The following ARHGAP17 variants were observed in gnomAD, a reference collection of about 807,000 sequenced individuals.
ARHGAP17 encodes Rho GTPase activating protein 17.
Under a neutral mutation model 99.5 loss-of-function variants are expected in ARHGAP17, and 57 were observed. That is an observed-to-expected ratio of 0.57 (90% confidence interval 0.46 to 0.71). ARHGAP17 has a LOEUF of 0.71. Ranked by LOEUF, ARHGAP17 falls within the 30% of genes least tolerant of loss-of-function variation. The pLI, the probability that ARHGAP17 is intolerant of heterozygous loss-of-function variation, is 0.00. For missense variants in ARHGAP17, 1,000 were observed against 1,122.4 expected, an observed-to-expected ratio of 0.89 and a Z score of 1.56; for synonymous variants, 417 against 429.6, an observed-to-expected ratio of 0.97 and a Z score of 0.36.
chr16:24,984,396 G>A (rs945184751), intron 1 of ARHGAP17, among the ~76,000 whole-genome samples: 1 of 152,190 alleles, frequency 6.6e-6, no homozygotes, highest in African/African-American at 2.4e-5. Context: ...GCCGGGCGCA[G>A]TGGCTCACGC....
chr16:24,930,583 C>T, intron 19 of ARHGAP17: 1 of 941,380 alleles, frequency 1.1e-6, no homozygotes, highest in Non-Finnish European at 1.7e-6. Flanking sequence ...ACCAATGCAG[C>T]CACAGACAAT....
At chr16:24,970,726 A>G in intron 3 of ARHGAP17, 146 bp from the exon 4 acceptor site, 1 of 708,300 alleles carries the variant, frequency 1.4e-6, no homozygotes, top group South Asian at 1.7e-5. Context: ...TTCTGGTCTC[A>G]CAGATATTAG....
intron 10 of ARHGAP17, among the ~76,000 whole-genome samples, chr16:24,953,694 C>G (rs2141242431): frequency 6.6e-6 from 1 of 152,308 alleles, no homozygotes; most frequent in South Asian, 2.1e-4. Flanking sequence ...ATAAATTACC[C>G]AGGCTCAGGT....
intron 1 of ARHGAP17, among the ~76,000 whole-genome samples, chr16:24,988,668 T>C (rs1025755171): frequency 2.6e-5 from 4 of 152,214 alleles, no homozygotes; most frequent in Admixed American, 6.5e-5. Context: ...TTCCTGCACA[T>C]GTAAGCTTAC....
intron 19 of ARHGAP17, among the ~76,000 whole-genome samples, chr16:24,925,186 C>T (rs1228110663): frequency 6.6e-6 from 1 of 152,124 alleles, no homozygotes; most frequent in Non-Finnish European, 1.5e-5. Context: ...GGAGACCAGC[C>T]TGGCCAATAT....
chr16:25,006,449 CAAAAAAA>C (rs1032093076), intron 1 of ARHGAP17, among the ~76,000 whole-genome samples: 10 of 74,508 alleles, frequency 1.3e-4, no homozygotes, highest in African/African-American at 2.9e-4. Flanking sequence ...GACTCCGTCT[CAAAAAAA>C]AAAAAAAAAA....
intron 18 of ARHGAP17, among the ~76,000 whole-genome samples, chr16:24,933,060 G>A (rs765190992): frequency 3.6e-4 from 55 of 152,188 alleles, no homozygotes; most frequent in Non-Finnish European, 7.2e-4. Flanking sequence ...GAGGCTTGAA[G>A]AGGGCCAGTG....
intron 19 of ARHGAP17, chr16:24,920,558 C>T: frequency 6.4e-6 from 2 of 314,946 alleles, no homozygotes; most frequent in Non-Finnish European, 1.2e-5. Context: ...GAAAGGAAGC[C>T]TCATTCTTCC....
Position 24,931,159 on chromosome 16 carries a change from G to A in ARHGAP17, c.2140C>T (p.Pro714Ser). Residue 714 changes from proline (P) to serine (S), a missense_variant, in exon 19 of 20, where the codon CCA (proline) becomes TCA (serine). Pro to Ser is a moderately conservative substitution (Grantham distance 74, BLOSUM62 -1). Transcript: ENST00000289968. ...GCCTGCGTAGGGGGCTGCGGCGGTG[G>A]GTGATTGGGAGCTTGGATTGGAGAC... The part of the protein sequence containing the change: ...SLSPIQAPNH[P>S]PPQPPTQATP... 3 of 1,598,854 alleles carry A rather than the reference G, an allele frequency of 1.9e-6. No individual in the cohort carries two copies. Among genetic ancestry groups the A allele is most frequent in the Non-Finnish European group, 2.6e-6 (3 of 1,172,996 alleles).
At chr16:25,002,238 G>A (rs2053380555) in intron 1 of ARHGAP17, among the ~76,000 whole-genome samples, 1 of 152,110 alleles carries the variant, frequency 6.6e-6, no homozygotes. Flanking sequence ...AAGAATTACT[G>A]TTCCCTATGT....
In ARHGAP17 at chr16:24,939,505, G is replaced by C. The variant is rs750090760; in HGVS notation, c.1583C>G (p.Pro528Arg). Reference protein sequence around the residue: ...HISPAFQPPLPPTDGSTVVPA... With the variant: ...HISPAFQPPLRPTDGSTVVPA... ...CACCACGGTGCTGCCATCTGTGGGC[G>C]GAAGTGGCGGCTGGAAAGCGGGGGA... The change falls in exon 17 of 20, where the codon CCG (proline) becomes CGG (arginine). Residue 528 changes from proline (P) to arginine (R), a missense_variant. By Grantham distance (103) the Pro-to-Arg change is moderately radical. Coordinates refer to ENST00000289968, the MANE Select transcript of ARHGAP17 (RefSeq NM_001006634.3). The C allele has an allele frequency of 6.2e-7, 1 of 1,611,018 alleles. No individual in the cohort carries two copies. Among genetic ancestry groups the C allele is most frequent in the Non-Finnish European group, 8.5e-7 (1 of 1,179,146 alleles).
chr16:24,939,514 G>A lies in ARHGAP17; in HGVS notation c.1574C>T (p.Pro525Leu), dbSNP rs140685431. 2.4e-4 allele frequency: 389 copies of A among 1,610,680 alleles called. No homozygotes were observed. The highest frequency in any genetic ancestry group is 3.0e-4 in the Non-Finnish European group (351 of 1,179,080). ...GCTGCCATCTGTGGGCGGAAGTGGC[G>A]GCTGGAAAGCGGGGGATATGTGCTT... ...NRKHISPAFQ[P>L]PLPPTDGSTV... The change falls in exon 17 of 20, where the codon CCG becomes CTG. Residue 525 changes from proline (P) to leucine (L), a missense_variant. By Grantham distance (98) the Pro-to-Leu change is moderately conservative. Transcript: ENST00000289968.
At chr16:24,982,398 T>G (rs775284009) in intron 1 of ARHGAP17, among the ~76,000 whole-genome samples, 65 of 152,016 alleles carry the variant, frequency 4.3e-4, no homozygotes, top group Non-Finnish European at 6.2e-4. Context: ...AGCAAGACTC[T>G]GTCTCAAAAA....
chr16:24,931,227 G>T lies in ARHGAP17; in HGVS notation c.2072C>A (p.Ala691Asp). 1.3e-6 allele frequency: 2 copies of T among 1,559,262 alleles called. No homozygotes were observed. Among genetic ancestry groups the T allele is most frequent in the Non-Finnish European group, 8.7e-7 (1 of 1,153,370 alleles). The change falls in exon 19 of 20, where the codon GCC becomes GAC. Residue 691 changes from alanine (A) to aspartate (D), a missense_variant. Around this residue, in one of 2 missense-constraint regions of ARHGAP17, gnomAD observed 528 missense variants for 511.4 expected, o/e 1.03. Coordinates refer to ENST00000289968, the MANE Select transcript of ARHGAP17 (RefSeq NM_001006634.3). ...HTGQPPGQPS[A>D]PSQLSAPRRY... ...CCGGGGTGCTGAGAGCTGGGAGGGGGCGGAGGGCTGGCCTGGAGGCTGGCC... is the reference window on the plus strand; with the variant it reads ...CCGGGGTGCTGAGAGCTGGGAGGGGTCGGAGGGCTGGCCTGGAGGCTGGCC...
chr16:25,006,964 G>A (rs930119226), intron 1 of ARHGAP17, among the ~76,000 whole-genome samples: 3 of 152,144 alleles, frequency 2.0e-5, no homozygotes, highest in African/African-American at 4.8e-5. Flanking sequence ...CCAGGGGAAC[G>A]GTCTGAGAAG....
chr16:24,941,806 A>T (rs563945105), intron 16 of ARHGAP17, 181 bp downstream of exon 16: 22 of 745,974 alleles, frequency 2.9e-5, no homozygotes, highest in Non-Finnish European at 4.8e-5. Context: ...CTACACACTG[A>T]CTTTATGGTG....
At chr16:24,961,608 G>A (rs951989090) in intron 7 of ARHGAP17, among the ~76,000 whole-genome samples, 11 of 127,408 alleles carry the variant, frequency 8.6e-5, no homozygotes, top group Admixed American at 3.9e-4. Context: ...TTGGCCCACC[G>A]CAACCTCCAT....
intron 13 of ARHGAP17, among the ~76,000 whole-genome samples, chr16:24,948,619 A>C (rs977995744): frequency 1.3e-5 from 2 of 152,144 alleles, no homozygotes; most frequent in Non-Finnish European, 2.9e-5. Flanking sequence ...AAGGTGGGTG[A>C]GTTAAATTAA....
At chr16:24,923,242 G>T (rs1313834766) in intron 19 of ARHGAP17, among the ~76,000 whole-genome samples, 1 of 152,062 alleles carries the variant, frequency 6.6e-6, no homozygotes, top group African/African-American at 2.4e-5. Context: ...CCTGGGTGAG[G>T]GCCTTCAAAG....
Sources: allele counts gnomAD v4.1 joint callset (sites outside exome capture counted in the v4.1 genomes callset), GRCh38; gene constraint gnomAD v4.1.1; regional missense constraint gnomAD v4.1.1; transcripts MANE v1.5; gene names NCBI Gene and HGNC (gene_info 2026-07-23, HGNC 2026-07-21).